Variants in NBAS observed in about 807,000 individuals in gnomAD.
The protein encoded by NBAS is NAG/BC035112 fusion.
In NBAS, 219 loss-of-function variants were observed where a neutral mutation model predicts 302.5. That is an observed-to-expected ratio of 0.72 (90% confidence interval 0.65 to 0.81). NBAS has a LOEUF of 0.81. Ranked by LOEUF, NBAS falls within the 30% of genes least tolerant of loss-of-function variation. NBAS has a pLI of 0.00. For missense variants in NBAS, 2,932 were observed against 2,841.6 expected, an observed-to-expected ratio of 1.03 and a Z score of -0.72; for synonymous variants, 1,118 against 1,021.6, an observed-to-expected ratio of 1.09 and a Z score of -1.80.
the NBAS span, among the ~76,000 whole-genome samples, chr2:15,106,268 T>C: frequency 6.6e-6 from 1 of 152,106 alleles, no homozygotes; most frequent in Non-Finnish European, 1.5e-5. Context: ...GTGAGGAAGA[T>C]TCACATTGAG....
At chr2:15,241,786 T>C (rs1386927591) in intron 44 of NBAS, among the ~76,000 whole-genome samples, 1 of 152,158 alleles carries the variant, frequency 6.6e-6, no homozygotes, top group Non-Finnish European at 1.5e-5. Context: ...GTTTCCCTTT[T>C]AGAAAAACCT....
At chr2:15,538,598 T>C (rs1359478139) in intron 7 of NBAS, among the ~76,000 whole-genome samples, 1 of 152,222 alleles carries the variant, frequency 6.6e-6, no homozygotes, top group African/African-American at 2.4e-5. Context: ...ACCACTGTTC[T>C]ATCTGACCCT....
intron 41 of NBAS, among the ~76,000 whole-genome samples, chr2:15,287,894 A>C (rs1670124358): frequency 6.8e-6 from 1 of 146,852 alleles, no homozygotes; most frequent in East Asian, 2.1e-4. Flanking sequence ...TCCCCGCATA[A>C]ACATCCTGAG....
intron 41 of NBAS, among the ~76,000 whole-genome samples, chr2:15,289,889 C>T (rs760261709): frequency 2.0e-5 from 3 of 152,000 alleles, no homozygotes; most frequent in Admixed American, 6.6e-5. Flanking sequence ...CCCAGCTACT[C>T]GAGAGGTTGA....
the NBAS span, among the ~76,000 whole-genome samples, chr2:14,992,606 T>A: frequency 6.6e-6 from 1 of 152,334 alleles, no homozygotes; most frequent in African/African-American, 2.4e-5. Flanking sequence ...GCAAGAAGTG[T>A]CCAGGCTTGT....
chr2:15,120,976 T>C, the NBAS span, among the ~76,000 whole-genome samples: 1 of 152,212 alleles, frequency 6.6e-6, no homozygotes, highest in African/African-American at 2.4e-5. Flanking sequence ...TATTCACAGC[T>C]TTTCTCCACC....
At chr2:15,168,405 A>G (rs559066368) in intron 51 of NBAS, among the ~76,000 whole-genome samples, 1 of 152,342 alleles carries the variant, frequency 6.6e-6, no homozygotes, top group South Asian at 2.1e-4. Context: ...AGAAGTACTG[A>G]GAATAAAATC....
chr2:14,987,232 T>G, the NBAS span, among the ~76,000 whole-genome samples: 1 of 152,132 alleles, frequency 6.6e-6, no homozygotes, highest in Admixed American at 6.5e-5. Flanking sequence ...TTGACAAACA[T>G]CAGTTGCTGA....
At chr2:15,388,525 T>C (rs1425299654) in intron 28 of NBAS, among the ~76,000 whole-genome samples, 2 of 151,456 alleles carry the variant, frequency 1.3e-5, no homozygotes, top group Non-Finnish European at 2.9e-5. Context: ...CTCTTACACA[T>C]TGCTGACAGA....
At chr2:14,797,493 C>T in the NBAS span, among the ~76,000 whole-genome samples, 1 of 152,174 alleles carries the variant, frequency 6.6e-6, no homozygotes, top group African/African-American at 2.4e-5. Flanking sequence ...GCCCCATTCA[C>T]CACACTGCAG....
At chr2:15,367,448 G>A (rs898675711) in intron 31 of NBAS, among the ~76,000 whole-genome samples, 7 of 152,226 alleles carry the variant, frequency 4.6e-5, no homozygotes, top group South Asian at 2.1e-4. Context: ...AAAGGAATAC[G>A]AGCTATGTCT....
intron 50 of NBAS, among the ~76,000 whole-genome samples, chr2:15,183,148 ATAAACT>A (rs1201762844): frequency 2.0e-5 from 3 of 152,230 alleles, no homozygotes; most frequent in Admixed American, 1.3e-4. Context: ...GTGTAGTAAA[ATAAACT>A]TAAAAAGATA....
the NBAS span, among the ~76,000 whole-genome samples, chr2:14,913,061 A>G: frequency 5.9e-5 from 9 of 152,244 alleles, no homozygotes; most frequent in Non-Finnish European, 1.2e-4. Flanking sequence ...AAGAGGCTGT[A>G]TCTCATTCAT....
the NBAS span, among the ~76,000 whole-genome samples, chr2:15,033,214 C>T: frequency 6.6e-6 from 1 of 152,154 alleles, no homozygotes; most frequent in African/African-American, 2.4e-5. Context: ...TACTTGGGAC[C>T]CTTTACTCCT....
At chr2:14,803,014 A>G in the NBAS span, among the ~76,000 whole-genome samples, 5 of 151,674 alleles carry the variant, frequency 3.3e-5, no homozygotes, top group Non-Finnish European at 5.9e-5. Flanking sequence ...CAATGTGCAC[A>G]TGTACCCTAA....
intron 6 of NBAS, among the ~76,000 whole-genome samples, chr2:15,544,843 C>G (rs551687952): frequency 1.3e-5 from 2 of 152,178 alleles, no homozygotes; most frequent in Admixed American, 1.3e-4. Flanking sequence ...AATCCTATCT[C>G]TACTAAAAAA....
rs568685546 is a variant in NBAS at position 15,194,471 on chromosome 2, A to G, written c.6433-4068T>C. 8.3e-4 allele frequency among the ~76,000 whole-genome samples: 126 copies of G among 152,284 alleles called. 2 individuals are homozygous for G. The highest frequency in any genetic ancestry group is 2.9e-3 in the African/African-American group (121 of 41,576). On this transcript the variant is annotated intron_variant, in intron 48 of 51. Coordinates refer to ENST00000281513, the MANE Select transcript of NBAS (RefSeq NM_015909.4). ...TCTGGCAAAGCTATTCTTCAGGAAA[A>G]AAAGAAAATGAAAACATTCTCAGAC...
At chr2:15,203,705 G>C (rs1169023793) in intron 48 of NBAS, among the ~76,000 whole-genome samples, 1 of 151,920 alleles carries the variant, frequency 6.6e-6, no homozygotes, top group East Asian at 1.9e-4. Flanking sequence ...CTAAATCCCA[G>C]AGAATGATCT....
At chr2:15,000,290 C>A in the NBAS span, among the ~76,000 whole-genome samples, 1 of 152,146 alleles carries the variant, frequency 6.6e-6, no homozygotes, top group Non-Finnish European at 1.5e-5. Context: ...AAACAAAAGC[C>A]AACCACTTAG....
Sources: allele counts gnomAD v4.1 joint callset (sites outside exome capture counted in the v4.1 genomes callset), GRCh38; gene constraint gnomAD v4.1.1; transcripts MANE v1.5; gene names NCBI Gene and HGNC (gene_info 2026-07-23, HGNC 2026-07-21).